LOC112694756: variants seen among roughly 807,000 people sequenced by gnomAD.
At chr16:30,053,978 T>C in the LOC112694756 span, among the ~76,000 whole-genome samples, 16 of 152,032 alleles carry the variant, frequency 1.1e-4, no homozygotes, top group Non-Finnish European at 1.8e-4. Context: ...CAGCGAGCCA[T>C]GATCATGCCG....
chr16:30,070,045 A>T, the LOC112694756 span: 2 of 1,613,652 alleles, frequency 1.2e-6, no homozygotes. Flanking sequence ...GATAGGCAGG[A>T]GGTGGGCAGG....
At chr16:30,056,193 TC>T in the LOC112694756 span, among the ~76,000 whole-genome samples, 3 of 137,832 alleles carry the variant, frequency 2.2e-5, 1 homozygote, top group Admixed American at 2.2e-4. Context: ...CACTGCAATG[TC>T]CACCTCCTGG....
chr16:30,067,683 G>T, the LOC112694756 span: 1 of 1,613,706 alleles, frequency 6.2e-7, no homozygotes, highest in Non-Finnish European at 8.5e-7. Flanking sequence ...GCCTCCGGAC[G>T]TGAGGTTTGA....
chr16:30,063,692 C>T, the LOC112694756 span: 1 of 399,422 alleles, frequency 2.5e-6, no homozygotes, highest in South Asian at 1.3e-4. Flanking sequence ...GACGTGGCCC[C>T]ATCCCACCTC....
the LOC112694756 span, among the ~76,000 whole-genome samples, chr16:30,065,031 A>G: frequency 6.6e-6 from 1 of 152,184 alleles, no homozygotes; most frequent in African/African-American, 2.4e-5. Context: ...ATAGCCGCGC[A>G]TTCTGGTTTT....
At chr16:30,069,540 C>T in the LOC112694756 span, 15 of 1,614,172 alleles carry the variant, frequency 9.3e-6, no homozygotes, top group Admixed American at 2.2e-4. Flanking sequence ...ACCACCACAT[C>T]TACCTGGAAG....
chr16:30,053,206 C>G, the LOC112694756 span: 5 of 152,442 alleles, frequency 3.3e-5, no homozygotes, highest in East Asian at 9.6e-4. Context: ...TGCCCGCGGC[C>G]CGAGGGTGCA....
the LOC112694756 span, chr16:30,066,875 T>C: frequency 6.5e-7 from 1 of 1,546,696 alleles, no homozygotes; most frequent in Non-Finnish European, 8.7e-7. Context: ...CGGTTCGGTT[T>C]TGTTTTCAGG....
the LOC112694756 span, among the ~76,000 whole-genome samples, chr16:30,060,235 T>C: frequency 1.3e-5 from 2 of 152,142 alleles, no homozygotes; most frequent in Admixed American, 1.3e-4. Flanking sequence ...CACCTTGGCC[T>C]CCCAAAGTGC....
At chr16:30,061,993 A>G in the LOC112694756 span, among the ~76,000 whole-genome samples, 3 of 150,842 alleles carry the variant, frequency 2.0e-5, no homozygotes, top group South Asian at 6.3e-4. Context: ...ACCTGAGGTC[A>G]GGAGTTCGAG....
At chr16:30,067,870 C>G in the LOC112694756 span, 2 of 645,816 alleles carry the variant, frequency 3.1e-6, no homozygotes, top group African/African-American at 3.6e-5. Context: ...ATCTCAGAAG[C>G]TCAGGGAAGT....
chr16:30,059,949 T>C, the LOC112694756 span, among the ~76,000 whole-genome samples: 14 of 152,024 alleles, frequency 9.2e-5, no homozygotes, highest in African/African-American at 2.9e-4. Context: ...ACAATGGCCT[T>C]ATGAACTAGG....
the LOC112694756 span, chr16:30,067,393 A>C: frequency 1.2e-6 from 2 of 1,613,932 alleles, no homozygotes; most frequent in Non-Finnish European, 1.7e-6. Flanking sequence ...GAATGGGTGG[A>C]GGGTGCAGGG....
chr16:30,064,625 G>A, the LOC112694756 span: 1 of 396,122 alleles, frequency 2.5e-6, no homozygotes, highest in East Asian at 3.6e-5. Context: ...CCTAAATATA[G>A]GTCCCTGCCA....
chr16:30,068,918 A>T, the LOC112694756 span: 21 of 1,614,114 alleles, frequency 1.3e-5, no homozygotes, highest in Non-Finnish European at 1.6e-5. Context: ...ACACCCCCTC[A>T]GCCCTCGCCA....
chr16:30,060,097 G>A, the LOC112694756 span, among the ~76,000 whole-genome samples: 1 of 151,894 alleles, frequency 6.6e-6, no homozygotes, highest in African/African-American at 2.4e-5. Context: ...TCCCACCTCA[G>A]CCTCCCAAGT....
At chr16:30,054,512 A>G in the LOC112694756 span, 2 of 284,356 alleles carry the variant, frequency 7.0e-6, no homozygotes, top group Non-Finnish European at 1.3e-5. Context: ...AGTCAGAGAC[A>G]AGAGATCTCT....
At chr16:30,067,138 A>C in the LOC112694756 span, 1 of 1,585,966 alleles carries the variant, frequency 6.3e-7, no homozygotes, top group African/African-American at 1.4e-5. Context: ...GGAGGTAGGG[A>C]ACATTTCCCT....
the LOC112694756 span, chr16:30,066,871 G>A: frequency 5.8e-6 from 9 of 1,545,980 alleles, no homozygotes; most frequent in Middle Eastern, 1.7e-4. Context: ...ACTCCGGTTC[G>A]GTTTTGTTTT....
Sources: gnomAD v4.1 joint callset for allele counts (sites outside exome capture counted in the v4.1 genomes callset) on GRCh38, gnomAD v4.1.1 for gene constraint, MANE v1.5 for transcripts.